ADGRB3: variants seen among roughly 807,000 people sequenced by gnomAD.
The protein encoded by ADGRB3 is adhesion G protein-coupled receptor B3, also known as brain-specific angiogenesis inhibitor 3.
Under a neutral mutation model 193.4 loss-of-function variants are expected in ADGRB3, and 37 were observed. The observed-to-expected ratio is 0.19, with a 90% confidence interval of 0.15 to 0.25. The LOEUF is 0.25. Among genes scored for constraint, ADGRB3 ranks in the 10% least tolerant of loss-of-function variants. The pLI, the probability that ADGRB3 is intolerant of heterozygous loss-of-function variation, is 1.00. For synonymous variants in ADGRB3, 690 were observed against 644.2 expected (o/e 1.07, Z -1.08); for missense variants, 1,637 against 1,852.9 (o/e 0.88, Z 2.14).
At chr6:68,667,459 G>T (rs919705954) in intron 3 of ADGRB3, among the ~76,000 whole-genome samples, 1 of 151,842 alleles carries the variant, frequency 6.6e-6, no homozygotes, top group Admixed American at 6.6e-5. Context: ...AATCTTGAAA[G>T]AAATTTTAGG....
intron 3 of ADGRB3, among the ~76,000 whole-genome samples, chr6:68,659,084 A>G (rs559881155): frequency 2.0e-5 from 3 of 151,148 alleles, no homozygotes; most frequent in African/African-American, 7.2e-5. Context: ...CTCAACTTTT[A>G]TTTACCTGAG....
chr6:69,179,786 G>A (rs1264123587), intron 17 of ADGRB3, among the ~76,000 whole-genome samples: 1 of 152,132 alleles, frequency 6.6e-6, no homozygotes, highest in African/African-American at 2.4e-5. Flanking sequence ...GTTTTATATT[G>A]GACTGTGCAG....
At chr6:69,234,212 C>A (rs188666559) in intron 18 of ADGRB3, among the ~76,000 whole-genome samples, 15 of 152,196 alleles carry the variant, frequency 9.9e-5, no homozygotes, top group African/African-American at 3.1e-4. Flanking sequence ...AAAGTGTATT[C>A]CTTCAAACTC....
At chr6:68,885,130 A>T (rs1234287400) in intron 3 of ADGRB3, among the ~76,000 whole-genome samples, 1 of 152,208 alleles carries the variant, frequency 6.6e-6, no homozygotes, top group Admixed American at 6.5e-5. Context: ...AGAGGTCCCC[A>T]GTGGTCAGGG....
At chr6:68,886,235 C>G (rs1339680944) in intron 3 of ADGRB3, among the ~76,000 whole-genome samples, 1 of 152,048 alleles carries the variant, frequency 6.6e-6, no homozygotes, top group Admixed American at 6.6e-5. Flanking sequence ...GTTTACCTTG[C>G]TGGACATTAT....
chr6:68,724,818 TGGGGCAC>T, intron 3 of ADGRB3, among the ~76,000 whole-genome samples: 1 of 151,732 alleles, frequency 6.6e-6, no homozygotes, highest in Admixed American at 6.6e-5. Context: ...AGCGGTGTGT[TGGGGCAC>T]TGGGAATATA....
intron 17 of ADGRB3, among the ~76,000 whole-genome samples, chr6:69,080,802 T>C (rs1772365305): frequency 6.6e-6 from 1 of 152,072 alleles, no homozygotes; most frequent in Non-Finnish European, 1.5e-5. Flanking sequence ...GTTACCTTTG[T>C]AGCACAGGTT....
Position 69,388,723 on chromosome 6 carries a change from G to A in ADGRB3, c.4401G>A (p.Lys1467=), listed in dbSNP as rs771050187. 13 of 1,612,850 alleles carry A rather than the reference G, an allele frequency of 8.1e-6. No individual in the cohort carries two copies. The South Asian group carries it at 1.4e-4, about 18-fold the overall frequency. Residue 1467 remains lysine, a synonymous_variant, in exon 32 of 32, where the codon AAG becomes AAA. Coordinates refer to ENST00000370598, the MANE Select transcript of ADGRB3 (RefSeq NM_001704.3). ...AACAGGAAAACCCCGCACCAAACAA[G>A]AATCCATGGGACACTTTCAAAAACC... ...TSSMENPAPN[K]NPWDTFKNPS...
At chr6:69,291,123 T>C (rs1274690376) in intron 20 of ADGRB3, among the ~76,000 whole-genome samples, 1 of 152,138 alleles carries the variant, frequency 6.6e-6, no homozygotes, top group African/African-American at 2.4e-5. Context: ...TTGGATTAAT[T>C]TTTTGAGATT....
chr6:69,061,600 A>G (rs1044524222), intron 15 of ADGRB3, among the ~76,000 whole-genome samples: 2 of 152,064 alleles, frequency 1.3e-5, no homozygotes, highest in African/African-American at 4.8e-5. Flanking sequence ...ATAGCCAAAT[A>G]TCATTAGCTA....
At chr6:68,657,552 A>C (rs1277920352) in intron 3 of ADGRB3, among the ~76,000 whole-genome samples, 2 of 151,426 alleles carry the variant, frequency 1.3e-5, no homozygotes, top group African/African-American at 4.8e-5. Flanking sequence ...GGACTATTTC[A>C]GAGGACAAAT....
intron 10 of ADGRB3, among the ~76,000 whole-genome samples, chr6:68,982,947 C>T (rs1048551898): frequency 6.6e-6 from 1 of 152,082 alleles, no homozygotes. Flanking sequence ...CAGAAAAGAT[C>T]TCTACTTTCT....
chr6:69,011,698 T>C (rs1397969388), intron 11 of ADGRB3, among the ~76,000 whole-genome samples: 2 of 152,032 alleles, frequency 1.3e-5, no homozygotes, highest in African/African-American at 4.8e-5. Context: ...CAACTTAAAT[T>C]TTGTTTTAAA....
intron 16 of ADGRB3, among the ~76,000 whole-genome samples, chr6:69,066,475 G>A (rs1771912432): frequency 6.6e-6 from 1 of 151,764 alleles, no homozygotes; most frequent in South Asian, 2.1e-4. Flanking sequence ...GTCTCAGAAA[G>A]CTTTTTAACA....
chr6:69,227,358 T>C lies in ADGRB3; in HGVS notation c.2481-5932T>C, dbSNP rs756806223. 3.2e-4 allele frequency among the ~76,000 whole-genome samples: 48 copies of C among 152,188 alleles called. 1 individual carries two copies. The highest frequency in any genetic ancestry group is 7.1e-4 in the Non-Finnish European group (48 of 68,034). On this transcript the variant is annotated intron_variant, in intron 17 of 31. Coordinates refer to ENST00000370598, the MANE Select transcript of ADGRB3 (RefSeq NM_001704.3). ...ACCATTATAAGTAGACCTTTGTCTT[T>C]TACTCTGAGTGAGATCAGAAAAACC...
Position 68,759,716 on chromosome 6 carries a change from A to G in ADGRB3, c.757+120284A>G, listed in dbSNP as rs192638327. 5.6e-3 allele frequency among the ~76,000 whole-genome samples: 857 copies of G among 152,248 alleles called. 7 individuals carry two copies. Among genetic ancestry groups the G allele is most frequent in the Middle Eastern group, 0.014 (4 of 292 alleles). On this transcript the variant is annotated intron_variant, in intron 3 of 31. Coordinates refer to ENST00000370598, the MANE Select transcript of ADGRB3 (RefSeq NM_001704.3). ...TTTCTTAAACTCAAATAAAACTTAA[A>G]TATAGAATATTTCTTGTGTTAATGA...
At chr6:68,868,563 C>A (rs1314779532) in intron 3 of ADGRB3, among the ~76,000 whole-genome samples, 1 of 152,160 alleles carries the variant, frequency 6.6e-6, no homozygotes, top group Non-Finnish European at 1.5e-5. Flanking sequence ...GTTTAAGCAA[C>A]TATACAGTAG....
intron 17 of ADGRB3, among the ~76,000 whole-genome samples, chr6:69,170,742 G>A (rs1444289290): frequency 6.6e-6 from 1 of 152,190 alleles, no homozygotes; most frequent in Non-Finnish European, 1.5e-5. Flanking sequence ...AGGAATCATA[G>A]TAAGTCTTTC....
intron 17 of ADGRB3, among the ~76,000 whole-genome samples, chr6:69,221,063 C>T (rs1765883445): frequency 6.6e-6 from 1 of 152,002 alleles, no homozygotes; most frequent in Admixed American, 6.6e-5. Context: ...TCTATGCAAT[C>T]CCAGTGTGCA....
Sources: gnomAD v4.1 joint callset for allele counts (sites outside exome capture counted in the v4.1 genomes callset) on GRCh38, gnomAD v4.1.1 for gene constraint, MANE v1.5 for transcripts, NCBI Gene and HGNC (gene_info 2026-07-23, HGNC 2026-07-21) for gene names.